CDH2: variants seen among roughly 807,000 people sequenced by gnomAD.
CDH2 encodes the protein cadherin-2.
Under a neutral mutation model 92.0 loss-of-function variants are expected in CDH2, and 17 were observed. The ratio of observed to expected loss-of-function variants is 0.18; its 90% confidence interval spans 0.13 to 0.28. The LOEUF (loss-of-function observed/expected upper bound fraction) is 0.28. Among genes scored for constraint, CDH2 ranks in the 10% least tolerant of loss-of-function variants. The pLI is 1.00. For synonymous variants in CDH2, 419 were observed against 415.9 expected (o/e 1.01, Z -0.09); for missense variants, 862 against 1,133.1 (o/e 0.76, Z 3.44).
At chr18:27,962,105 T>C (rs1312328364) in intron 15 of CDH2, among the ~76,000 whole-genome samples, 1 of 152,216 alleles carries the variant, frequency 6.6e-6, no homozygotes. Context: ...TACATTTTTC[T>C]AAAAGATCTA....
At chr18:28,105,738 T>C (rs915648428) in intron 2 of CDH2, among the ~76,000 whole-genome samples, 2 of 152,158 alleles carry the variant, frequency 1.3e-5, no homozygotes, top group African/African-American at 4.8e-5. Flanking sequence ...TCCACCCACA[T>C]CAATGTATAG....
intron 14 of CDH2, among the ~76,000 whole-genome samples, chr18:27,972,176 C>G (rs1288071220): frequency 6.6e-6 from 1 of 152,024 alleles, no homozygotes; most frequent in Non-Finnish European, 1.5e-5. Context: ...TTTTTAATAA[C>G]TTGGCTGCTT....
At chr18:28,148,780 C>G (rs1222338876) in intron 1 of CDH2, among the ~76,000 whole-genome samples, 2 of 152,144 alleles carry the variant, frequency 1.3e-5, no homozygotes, top group Non-Finnish European at 2.9e-5. Flanking sequence ...GATCTCAGAA[C>G]AACTGTCTGG....
intron 2 of CDH2, among the ~76,000 whole-genome samples, chr18:28,049,718 C>T (rs2014152615): frequency 6.6e-6 from 1 of 152,196 alleles, no homozygotes; most frequent in African/African-American, 2.4e-5. Context: ...CAATCTCAGC[C>T]ACATCCTGCA....
At chr18:28,129,095 A>G (rs182553148) in intron 2 of CDH2, among the ~76,000 whole-genome samples, 1 of 152,274 alleles carries the variant, frequency 6.6e-6, no homozygotes, top group East Asian at 1.9e-4. Flanking sequence ...ATGTTAAGTA[A>G]TTTTTACCCC....
At chr18:28,148,024 G>T (rs2016065123) in intron 1 of CDH2, among the ~76,000 whole-genome samples, 1 of 152,090 alleles carries the variant, frequency 6.6e-6, no homozygotes, top group Non-Finnish European at 1.5e-5. Flanking sequence ...CACATTCTAG[G>T]TTCTTCTAAG....
At chr18:28,068,885 A>T (rs181067822) in intron 2 of CDH2, among the ~76,000 whole-genome samples, 2 of 152,260 alleles carry the variant, frequency 1.3e-5, no homozygotes, top group East Asian at 3.9e-4. Flanking sequence ...TAACATAAAA[A>T]CCTTAGATTA....
At position 28,147,744 on chromosome 18, in the gene CDH2, G is replaced by A; in HGVS notation, c.101C>T (p.Thr34Ile). The change falls in exon 2 of 16, where the codon ACT becomes ATT. Residue 34 changes from threonine to isoleucine, a missense_variant. Coordinates refer to ENST00000269141, the MANE Select transcript of CDH2 (RefSeq NM_001792.5). ...ACTGTAAACATCTTCAGGAAATCCA[G>A]TCTTGCATAATGCGATTTCACCAGA... ...EASGEIALCK[T>I]GFPEDVYSAV... 2 of 1,611,734 alleles carry A rather than the reference G, an allele frequency of 1.2e-6. No homozygotes were observed. Among genetic ancestry groups the A allele is most frequent in the Non-Finnish European group, 1.7e-6 (2 of 1,178,998 alleles).
rs569830024 is a variant in CDH2 at position 27,965,302 on chromosome 18, C to T, written c.2350-1781G>A. 8.5e-5 allele frequency among the ~76,000 whole-genome samples: 13 copies of T among 152,308 alleles called. No individual in the cohort carries two copies. In the South Asian group the frequency reaches 1.7e-3, roughly 19 times the overall value. On this transcript the variant is annotated intron_variant, in intron 14 of 15. Coordinates refer to ENST00000269141, the MANE Select transcript of CDH2 (RefSeq NM_001792.5). The stretch of plus-strand genomic sequence containing the variant: ...GCAGGTGAAGGCACTCACATACATA[C>T]GCTGATGGAAAAGCTCCTCCTCTTA...
At chr18:28,026,935 CA>C (rs1332719712) in intron 2 of CDH2, among the ~76,000 whole-genome samples, 1 of 152,098 alleles carries the variant, frequency 6.6e-6, no homozygotes, top group African/African-American at 2.4e-5. Flanking sequence ...ACAGAATCAG[CA>C]GGTAGAAGGG....
At chr18:28,079,943 G>A (rs748120785) in intron 2 of CDH2, among the ~76,000 whole-genome samples, 12 of 152,134 alleles carry the variant, frequency 7.9e-5, no homozygotes, top group Admixed American at 3.9e-4. Flanking sequence ...GAAACATGAG[G>A]CCAGAAAAAC....
intron 2 of CDH2, among the ~76,000 whole-genome samples, chr18:28,082,266 C>T (rs2014845890): frequency 6.6e-6 from 1 of 151,864 alleles, no homozygotes; most frequent in Non-Finnish European, 1.5e-5. Flanking sequence ...AAACGATTAG[C>T]TGAGTGTAGT....
At chr18:28,157,416 T>A (rs1450318609) in intron 1 of CDH2, among the ~76,000 whole-genome samples, 1 of 152,230 alleles carries the variant, frequency 6.6e-6, no homozygotes, top group African/African-American at 2.4e-5. Context: ...ATATCTTAAA[T>A]AGTCCTCACA....
intron 2 of CDH2, among the ~76,000 whole-genome samples, chr18:28,121,207 A>T (rs138256543): frequency 6.6e-6 from 1 of 152,120 alleles, no homozygotes; most frequent in Non-Finnish European, 1.5e-5. Flanking sequence ...AATAAACTAA[A>T]TTGTCCAAGA....
chr18:28,128,561 C>T lies in CDH2; in HGVS notation c.172+19112G>A, dbSNP rs147746153. Among the ~76,000 whole-genome samples the T allele has an allele frequency of 4.0e-3, 612 of 152,050 alleles. 7 individuals carry two copies. Among genetic ancestry groups the T allele is most frequent in the African/African-American group, 0.014 (593 of 41,460 alleles). ...CAAACAAACAATTAGCTGGGCATGC[C>T]TGTAGTCCCAGCTACTTGGGAGGCT... On this transcript the variant is annotated intron_variant, in intron 2 of 15. Coordinates refer to ENST00000269141, the MANE Select transcript of CDH2 (RefSeq NM_001792.5).
chr18:28,043,517 A>AAC (rs2014005094), intron 2 of CDH2, among the ~76,000 whole-genome samples: 3 of 118,748 alleles, frequency 2.5e-5, no homozygotes, highest in African/African-American at 6.1e-5. Context: ...TATATATATA[A>AAC]ACAGGTTTGA....
intron 12 of CDH2, 140 bp from the exon 13 acceptor site, chr18:27,985,373 T>A: frequency 1.3e-6 from 1 of 782,352 alleles, no homozygotes; most frequent in Non-Finnish European, 2.0e-6. Context: ...AAATACTTTT[T>A]TGGCCGTAAA....
chr18:28,061,978 G>A (rs543956564), intron 2 of CDH2, among the ~76,000 whole-genome samples: 1 of 152,184 alleles, frequency 6.6e-6, no homozygotes, highest in South Asian at 2.1e-4. Context: ...CAGGGACACG[G>A]CCAAACCGTA....
chr18:28,082,503 G>A (rs587526), intron 2 of CDH2, among the ~76,000 whole-genome samples: 82,209 of 151,896 alleles, frequency 0.54, 23,075 homozygotes, highest in African/African-American at 0.7. Flanking sequence ...ACAAAAATAG[G>A]TCAAGTTCTT....
Sources: gnomAD v4.1 joint callset for allele counts (sites outside exome capture counted in the v4.1 genomes callset) on GRCh38, gnomAD v4.1.1 for gene constraint, MANE v1.5 for transcripts, NCBI Gene and HGNC (gene_info 2026-07-23, HGNC 2026-07-21) for gene names.